SUCNR1: variants seen among roughly 807,000 people sequenced by gnomAD.
SUCNR1 encodes succinate receptor 1.
Under a neutral mutation model 2.4 loss-of-function variants are expected in SUCNR1, and 5 were observed. The observed-to-expected ratio is 2.07, with a 90% CI of 1.08 to 4.36. The LOEUF is 4.36. SUCNR1 is among the 30% of genes most tolerant of loss of function. SUCNR1 has a pLI of 0.00. For synonymous variants in SUCNR1, 162 were observed against 143.9 expected (o/e 1.13, Z -0.90); for missense variants, 373 against 399.2 (o/e 0.93, Z 0.56).
At position 151,884,268 on chromosome 3, in the gene SUCNR1, T is replaced by G. The variant is rs946363214; in HGVS notation, c.*2720T>G. Reference sequence around the variant, plus strand: ...CTTTAGTAAGTAACATTATTTTATATGAAGAATAGAGTGTATATACATAAA... The same window carrying G: ...CTTTAGTAAGTAACATTATTTTATAGGAAGAATAGAGTGTATATACATAAA... On this transcript the variant is annotated 3_prime_UTR_variant, in exon 3 of 3. Coordinates refer to ENST00000362032, the MANE Select transcript of SUCNR1 (RefSeq NM_033050.6). 6.6e-6 allele frequency: 1 copy of G among 152,236 alleles called. No homozygotes were observed. The highest frequency in any genetic ancestry group is 2.4e-5 in the African/African-American group (1 of 41,464). The allele number at this position is 152,236 out of a possible 1,614,324, so 9.4% of individuals were successfully genotyped here.
chr3:151,874,429 C>T (rs1342613067), intron 1 of SUCNR1, among the ~76,000 whole-genome samples: 2 of 151,782 alleles, frequency 1.3e-5, no homozygotes, highest in Admixed American at 6.6e-5. Flanking sequence ...CCACTCATCT[C>T]GGCCTCTCCA....
rs1250858360 is a variant in SUCNR1, at chr3:151,874,144, A to ATTT, written c.-42+439_-42+440insTTT. 4.8e-3 allele frequency among the ~76,000 whole-genome samples: 301 copies of ATTT among 62,804 alleles called. 2 individuals carry two copies. The highest frequency in any genetic ancestry group is 0.012 in the African/African-American group (197 of 16,672). 41.2% of individuals were successfully genotyped at this position (62,804 alleles called of 152,430 possible). A position where few individuals can be genotyped will look rare whatever the true frequency, so the allele number is the denominator to read the frequency against. On this transcript the variant is annotated intron_variant, in intron 1 of 2. Transcript: ENST00000362032. Reference sequence around the variant, plus strand: ...TACATACATATATATATATATATATATATTTTTTTTTTTTTTTTTTTTTTT... The same window carrying ATTT: ...TACATACATATATATATATATATATATTTTATTTTTTTTTTTTTTTTTTTTTTT...
rs1718068519 is a variant in SUCNR1, at chr3:151,880,801, A to C, written c.258A>C (p.Gly86=). Reference sequence around the variant, plus strand: ...TGCTGATAAGGAGTTATGCCAATGGAAACTGGATATATGGAGACGTGCTCT... The same window carrying C: ...TGCTGATAAGGAGTTATGCCAATGGCAACTGGATATATGGAGACGTGCTCT... ...LPMLIRSYAN[G]NWIYGDVLCI... Residue 86 remains glycine, a synonymous_variant, in exon 3 of 3, where the codon GGA becomes GGC. Coordinates refer to ENST00000362032, the MANE Select transcript of SUCNR1 (RefSeq NM_033050.6). 1 of 1,614,166 alleles carries C rather than the reference A, an allele frequency of 6.2e-7. No homozygotes were observed. Among genetic ancestry groups the C allele is most frequent in the Non-Finnish European group, 8.5e-7 (1 of 1,180,022 alleles).
rs1238671103 is a variant in SUCNR1, at chr3:151,884,392, T to A, written c.*2844T>A. On this transcript the variant is annotated 3_prime_UTR_variant, in exon 3 of 3. Transcript: ENST00000362032. ...GAAATCTCTGTCTCCTAGTTCCAAA[T>A]ATGGGTCATCTTGGAGTTGGTCTTC... is the stretch of plus-strand genomic sequence containing the variant. The A allele has an allele frequency of 6.6e-6, 1 of 152,326 alleles. No homozygotes were observed. Among genetic ancestry groups the A allele is most frequent in the East Asian group, 1.9e-4 (1 of 5,182 alleles). The allele number at this position is 152,326 out of a possible 1,614,324, so 9.4% of individuals were successfully genotyped here. A position where few individuals can be genotyped will look rare whatever the true frequency, so the allele number is the denominator to read the frequency against.
chr3:151,873,697 C>A lies in SUCNR1; in HGVS notation c.-51C>A, dbSNP rs934865332. 1 of 152,514 alleles carries A rather than the reference C, an allele frequency of 6.6e-6. No homozygotes were observed. The highest frequency in any genetic ancestry group is 1.5e-5 in the Non-Finnish European group (1 of 68,020). 9.4% of individuals were successfully genotyped at this position (152,514 alleles called of 1,614,324 possible). ...GTTCCTGTCAAGGGATCAAGTCTTC[C>A]AACAGAATGGTAAGCTACATGGCAA... On this transcript the variant is annotated 5_prime_UTR_variant, in exon 1 of 3. Transcript: ENST00000362032.
chr3:151,875,368 TA>T (rs1273792100), intron 1 of SUCNR1, among the ~76,000 whole-genome samples: 1 of 152,108 alleles, frequency 6.6e-6, no homozygotes, highest in African/African-American at 2.4e-5. Context: ...GATGCCACAC[TA>T]AAAACATACC....
chr3:151,879,836 T>G lies in SUCNR1; in HGVS notation c.-41-16T>G, dbSNP rs200660846. On this transcript the variant is annotated splice_polypyrimidine_tract_variant and intron_variant, in intron 1 of 2. Transcript: ENST00000362032. ...AGTGAGACTGAAGTTCTAAAAATTC[T>G]TATTTCCTCTTCTAGGTTATGGTTT... 384 of 1,345,556 alleles carry G rather than the reference T, an allele frequency of 2.9e-4. 1 individual carries two copies. The highest frequency in any genetic ancestry group is 9.4e-4 in the Admixed American group (39 of 41,386). The allele number at this position is 1,345,556 out of a possible 1,614,324, so 83.4% of individuals were successfully genotyped here.
In SUCNR1 at chr3:151,882,899, T is replaced by C. The variant is rs1334063364; in HGVS notation, c.*1351T>C. On this transcript the variant is annotated 3_prime_UTR_variant, in exon 3 of 3. Transcript: ENST00000362032. Reference sequence around the variant, plus strand: ...AAGTACCTATGGCCACATATCTAAGTTCCTTTCCTTGATGTCATTAGCTAT... The same window carrying C: ...AAGTACCTATGGCCACATATCTAAGCTCCTTTCCTTGATGTCATTAGCTAT... 2.0e-5 allele frequency: 3 copies of C among 152,072 alleles called. No homozygotes were observed. Among genetic ancestry groups the C allele is most frequent in the South Asian group, 2.1e-4 (1 of 4,830 alleles). 9.4% of individuals were successfully genotyped at this position (152,072 alleles called of 1,614,324 possible).
intron 1 of SUCNR1, among the ~76,000 whole-genome samples, chr3:151,876,551 A>ATG (rs1717930053): frequency 6.6e-6 from 1 of 152,120 alleles, no homozygotes; most frequent in African/African-American, 2.4e-5. Flanking sequence ...AGATAAAGCT[A>ATG]TTAACATTTT....
rs147611912 is a variant in SUCNR1, at chr3:151,874,692, A to T, written c.-42+986A>T. 9.1e-3 allele frequency among the ~76,000 whole-genome samples: 1,392 copies of T among 152,250 alleles called. 16 individuals are homozygous for T. Among genetic ancestry groups the T allele is most frequent in the African/African-American group, 0.032 (1,333 of 41,544 alleles). ...AAGAAGTTAATACACAATTTGTGCCATACTATTACTTTTTAATACCTTAAT... is the reference window on the plus strand; with the variant it reads ...AAGAAGTTAATACACAATTTGTGCCTTACTATTACTTTTTAATACCTTAAT... On this transcript the variant is annotated intron_variant, in intron 1 of 2. Transcript: ENST00000362032.
At position 151,880,623 on chromosome 3, in the gene SUCNR1, C is replaced by T; in HGVS notation, c.80C>T (p.Ser27Phe). 6.2e-7 allele frequency: 1 copy of T among 1,613,906 alleles called. No homozygotes were observed. The highest frequency in any genetic ancestry group is 8.5e-7 in the Non-Finnish European group (1 of 1,179,892). Residue 27 changes from serine (S) to phenylalanine (F), a missense_variant, in exon 3 of 3, where the codon TCC (serine) becomes TTC (phenylalanine). Ser to Phe is a radical substitution (Grantham distance 155, BLOSUM62 -2). Around this residue, in one of 3 missense-constraint regions of SUCNR1, gnomAD observed 184 missense variants for 162.2 expected, o/e 1.13. Transcript: ENST00000362032. Reference sequence around the variant, plus strand: ...GCTGCCCTGGAAAAGTACTACCTTTCCATTTTTTATGGGATTGAGTTCGTT... The same window carrying T: ...GCTGCCCTGGAAAAGTACTACCTTTTCATTTTTTATGGGATTGAGTTCGTT... Reference protein sequence around the residue: ...AEAALEKYYLSIFYGIEFVVG... With the variant: ...AEAALEKYYLFIFYGIEFVVG...
At chr3:151,874,340 A>AT (rs200520994) in intron 1 of SUCNR1, among the ~76,000 whole-genome samples, 4,984 of 149,784 alleles carry the variant, frequency 0.033, 235 homozygotes, top group African/African-American at 0.098. Flanking sequence ...ACGCCCGGCT[A>AT]TTTTTTTTGG....
At chr3:151,875,015 A>T (rs1454265790) in intron 1 of SUCNR1, among the ~76,000 whole-genome samples, 1 of 152,122 alleles carries the variant, frequency 6.6e-6, no homozygotes, top group Non-Finnish European at 1.5e-5. Context: ...CAAAAGGCTG[A>T]ATATATTTAA....
At chr3:151,875,670 T>G (rs1717903925) in intron 1 of SUCNR1, among the ~76,000 whole-genome samples, 2 of 152,178 alleles carry the variant, frequency 1.3e-5, no homozygotes, top group South Asian at 4.1e-4. Context: ...GCCTATTTGA[T>G]TTTATGAGTG....
chr3:151,874,146 A>ATATAT (rs1261567808), intron 1 of SUCNR1, among the ~76,000 whole-genome samples: 132 of 60,176 alleles, frequency 2.2e-3, no homozygotes, highest in African/African-American at 3.3e-3. Flanking sequence ...ATATATATAT[A>ATATAT]TTTTTTTTTT....
chr3:151,883,852 C>T lies in SUCNR1; in HGVS notation c.*2304C>T, dbSNP rs1180213185. ...CCCATCACTGTTGTCACAAACCATA[C>T]CCTATAGCTAAAGATTGCTACTTTA... On this transcript the variant is annotated 3_prime_UTR_variant, in exon 3 of 3. Transcript: ENST00000362032. The T allele has an allele frequency of 6.6e-6, 1 of 152,096 alleles. No individual in the cohort carries two copies. Among genetic ancestry groups the T allele is most frequent in the Admixed American group, 6.6e-5 (1 of 15,258 alleles). The allele number at this position is 152,096 out of a possible 1,614,324, so 9.4% of individuals were successfully genotyped here.
intron 2 of SUCNR1, 38 bp from the exon 3 acceptor site, chr3:151,880,521 C>G: frequency 1.4e-6 from 2 of 1,477,166 alleles, no homozygotes; most frequent in Admixed American, 4.1e-5. Flanking sequence ...TAGTCACAGT[C>G]TAGTGTTTAA....
chr3:151,878,918 C>G (rs1198758201), intron 1 of SUCNR1, among the ~76,000 whole-genome samples: 1 of 152,158 alleles, frequency 6.6e-6, no homozygotes, highest in African/African-American at 2.4e-5. Flanking sequence ...ATAGCAAATT[C>G]TACTGAATTT....
rs58180742 is a variant in SUCNR1 at position 151,874,636 on chromosome 3, A to G, written c.-42+930A>G. On this transcript the variant is annotated intron_variant, in intron 1 of 2. Coordinates refer to ENST00000362032, the MANE Select transcript of SUCNR1 (RefSeq NM_033050.6). The stretch of plus-strand genomic sequence containing the variant: ...AGAAACCATTTCTATTCTACCTTCC[A>G]TAACTTTTCAAAATGTGTGTGGTAT... Among the ~76,000 whole-genome samples, 1,234 of 152,312 alleles carry G rather than the reference A, an allele frequency of 8.1e-3. 19 individuals carry two copies. The highest frequency in any genetic ancestry group is 0.029 in the African/African-American group (1,196 of 41,570).
Sources: gnomAD v4.1 joint callset for allele counts (sites outside exome capture counted in the v4.1 genomes callset) on GRCh38, gnomAD v4.1.1 for gene constraint, gnomAD v4.1.1 regional missense constraint, MANE v1.5 for transcripts, NCBI Gene and HGNC (gene_info 2026-07-23, HGNC 2026-07-21) for gene names.